REV3L: variants seen among roughly 807,000 people sequenced by gnomAD.
The protein encoded by REV3L is REV3 like, DNA directed polymerase zeta catalytic subunit.
REV3L carries 69 observed loss-of-function variants against 299.4 expected under a neutral mutation model. That is an observed-to-expected ratio of 0.23 (90% CI 0.19 to 0.28). The LOEUF (loss-of-function observed/expected upper bound fraction) is 0.28, where lower values mean the gene tolerates loss of function less well. REV3L is among the 10% of genes least tolerant of loss of function. REV3L has a pLI of 1.00. For missense variants in REV3L, 3,128 were observed against 3,693.8 expected, an observed-to-expected ratio of 0.85 and a Z score of 3.97; for synonymous variants, 1,238 against 1,271.4, an observed-to-expected ratio of 0.97 and a Z score of 0.56.
At chr6:111,333,404 C>T in intron 22 of REV3L, 37 bp from the exon 23 acceptor site, 4 of 1,606,566 alleles carry the variant, frequency 2.5e-6, no homozygotes, top group Non-Finnish European at 3.4e-6. Flanking sequence ...AGAAGAAACA[C>T]AGTTAAATAT....
At position 111,483,044 on chromosome 6, in the gene REV3L, G is replaced by A; in HGVS notation, c.-156C>T. 1.1e-6 allele frequency: 1 copy of A among 928,740 alleles called. No homozygotes were observed. The highest frequency in any genetic ancestry group is 1.5e-6 in the Non-Finnish European group (1 of 680,478). The allele number at this position is 928,740 out of a possible 1,614,324, so 57.5% of individuals were successfully genotyped here. A position where few individuals can be genotyped will look rare whatever the true frequency, so the allele number is the denominator to read the frequency against. ...GGCACCTCGAGGAGCGGCGGGCGGG[G>A]CGGTGTAGGCGCTGCTGCCGCCGCC... On this transcript the variant is annotated 5_prime_UTR_variant, in exon 1 of 32. Transcript: ENST00000368802.
In REV3L at chr6:111,388,037, C is replaced by G; in HGVS notation, c.911G>C (p.Arg304Thr). 2 of 1,612,858 alleles carry G rather than the reference C, an allele frequency of 1.2e-6. No individual in the cohort carries two copies. The highest frequency in any genetic ancestry group is 1.7e-6 in the Non-Finnish European group (2 of 1,179,536). ...ATTCTGTTTGAGAATTTCCTGAAGT[C>G]TCTTCTGAAATTTTTTTTCACTTTC... ...ATESEKKFQK[R>T]LQEILKQNDF... The change falls in exon 8 of 32, where the codon AGA (arginine) becomes ACA (threonine). Residue 304 changes from arginine (R) to threonine (T), a missense_variant. Around this residue, in one of 9 missense-constraint regions of REV3L, gnomAD observed 2,409 missense variants for 2,611.8 expected, o/e 0.92. Coordinates refer to ENST00000368802, the MANE Select transcript of REV3L (RefSeq NM_001372078.1).
rs1301970967 is a variant in REV3L at position 111,482,999 on chromosome 6, G to GC, written c.-112dup. On this transcript the variant is annotated 5_prime_UTR_variant, in exon 1 of 32. Coordinates refer to ENST00000368802, the MANE Select transcript of REV3L (RefSeq NM_001372078.1). ...GGCGCCCCCTCCCCTTCTCGGCACGGCCCCCTCCCCTCACACAGAGGCACC... is the reference window on the plus strand; with the variant it reads ...GGCGCCCCCTCCCCTTCTCGGCACGGCCCCCCTCCCCTCACACAGAGGCACC... 2 of 1,284,198 alleles carry GC rather than the reference G, an allele frequency of 1.6e-6. No individual in the cohort carries two copies. The highest frequency in any genetic ancestry group is 2.0e-6 in the Non-Finnish European group (2 of 988,260). 79.6% of individuals were successfully genotyped at this position (1,284,198 alleles called of 1,614,324 possible). A position where few individuals can be genotyped will look rare whatever the true frequency, so the allele number is the denominator to read the frequency against.
At chr6:111,313,533 C>T (rs1180958639) in intron 27 of REV3L, 44 bp from the exon 28 acceptor site, 1 of 1,542,858 alleles carries the variant, frequency 6.5e-7, no homozygotes, top group African/African-American at 1.4e-5. Context: ...CCATTTCCCC[C>T]CACCAAGAAT....
chr6:111,458,547 A>G (rs2128323278), intron 1 of REV3L, among the ~76,000 whole-genome samples: 1 of 152,258 alleles, frequency 6.6e-6, no homozygotes, highest in Non-Finnish European at 1.5e-5. Flanking sequence ...AGACTCCACC[A>G]AAAGGCTCCT....
chr6:111,367,288 C>T lies in REV3L; in HGVS notation c.6500G>A (p.Gly2167Asp). The change falls in exon 14 of 32, where the codon GGT becomes GAT. Residue 2167 changes from glycine (G) to aspartate (D), a missense_variant. Coordinates refer to ENST00000368802, the MANE Select transcript of REV3L (RefSeq NM_001372078.1). ...CTCACTGCAGGGGCTTTTTTGTATA[C>T]CATCTTTTATTGGCTTTAAGAAGTT... The part of the protein sequence containing the change: ...FENFLKPIKD[G>D]IQKSPCSEPQ... 4.3e-6 allele frequency: 7 copies of T among 1,611,724 alleles called. No homozygotes were observed. Among genetic ancestry groups the T allele is most frequent in the Non-Finnish European group, 5.9e-6 (7 of 1,179,438 alleles).
Position 111,367,794 on chromosome 6 carries a change from T to C in REV3L, c.5994A>G (p.Lys1998=). Residue 1998 remains lysine (K), a synonymous_variant, in exon 14 of 32, where the codon AAA becomes AAG. Coordinates refer to ENST00000368802, the MANE Select transcript of REV3L (RefSeq NM_001372078.1). ...EDKKIVIMPC[K]CAPSRQLVQV... is the part of the protein sequence containing the mutation. ...GAACCAGTTGTCGACTTGGGGCACA[T>C]TTGCAAGGCATAATCACAATTTTTT... is the stretch of plus-strand genomic sequence containing the variant. 6.2e-7 allele frequency: 1 copy of C among 1,614,166 alleles called. No individual in the cohort carries two copies. The highest frequency in any genetic ancestry group is 8.5e-7 in the Non-Finnish European group (1 of 1,180,014).
chr6:111,394,762 G>T (rs749461424), intron 4 of REV3L, among the ~76,000 whole-genome samples: 2 of 148,826 alleles, frequency 1.3e-5, no homozygotes, highest in South Asian at 4.2e-4. Flanking sequence ...GGAGTGCAGT[G>T]TATGATTATG....
intron 1 of REV3L, among the ~76,000 whole-genome samples, chr6:111,469,886 T>C (rs1025952061): frequency 9.9e-5 from 15 of 152,200 alleles, no homozygotes; most frequent in African/African-American, 2.9e-4. Context: ...TGGGGAGATT[T>C]ATCATACAAC....
At chr6:111,476,177 A>T (rs1303590524) in intron 1 of REV3L, among the ~76,000 whole-genome samples, 2 of 152,182 alleles carry the variant, frequency 1.3e-5, no homozygotes, top group Non-Finnish European at 2.9e-5. Context: ...TGTTTTTGAG[A>T]CAGGGACTTG....
At chr6:111,455,059 C>CT (rs1187474052) in intron 1 of REV3L, among the ~76,000 whole-genome samples, 4 of 152,172 alleles carry the variant, frequency 2.6e-5, no homozygotes, top group African/African-American at 9.7e-5. Flanking sequence ...AACGCACACT[C>CT]TAAGAGGCAA....
chr6:111,313,844 C>G (rs1773242212), intron 27 of REV3L, among the ~76,000 whole-genome samples: 1 of 152,218 alleles, frequency 6.6e-6, no homozygotes, highest in Admixed American at 6.5e-5. Flanking sequence ...CAATTCCATA[C>G]ATGCCATTTT....
At chr6:111,407,056 G>A (rs181136108) in intron 3 of REV3L, among the ~76,000 whole-genome samples, 11 of 152,114 alleles carry the variant, frequency 7.2e-5, no homozygotes, top group Admixed American at 5.9e-4. Flanking sequence ...GTTACAGTGA[G>A]GTATGATGGC....
At chr6:111,339,036 T>G (rs1365388030) in intron 21 of REV3L, among the ~76,000 whole-genome samples, 5 of 152,078 alleles carry the variant, frequency 3.3e-5, no homozygotes, top group African/African-American at 1.2e-4. Flanking sequence ...GTTTCACTGT[T>G]GTAAGGTGAA....
chr6:111,458,577 A>G (rs1030400826), intron 1 of REV3L, among the ~76,000 whole-genome samples: 4 of 152,164 alleles, frequency 2.6e-5, no homozygotes, highest in African/African-American at 9.6e-5. Context: ...AAACAACTTC[A>G]GTCAAGTTTT....
At chr6:111,470,174 T>TCACA (rs6149753) in intron 1 of REV3L, among the ~76,000 whole-genome samples, 760 of 150,340 alleles carry the variant, frequency 5.1e-3, no homozygotes, top group Middle Eastern at 0.027. Flanking sequence ...TTACTATCTC[T>TCACA]CACACACACA....
At chr6:111,469,717 T>C (rs1791953751) in intron 1 of REV3L, among the ~76,000 whole-genome samples, 2 of 152,162 alleles carry the variant, frequency 1.3e-5, no homozygotes, top group African/African-American at 4.8e-5. Flanking sequence ...GTACGGATTA[T>C]CCAGACATAG....
At chr6:111,317,253 C>A (rs1233218699) in intron 26 of REV3L, among the ~76,000 whole-genome samples, 1 of 151,938 alleles carries the variant, frequency 6.6e-6, no homozygotes, top group Non-Finnish European at 1.5e-5. Context: ...ACAGTACTTG[C>A]CTGACAGCCT....
At chr6:111,331,529 T>TTC in intron 24 of REV3L, 147 bp downstream of exon 24, 1 of 499,562 alleles carries the variant, frequency 2.0e-6, no homozygotes, top group Non-Finnish European at 3.5e-6. Context: ...TCTTAGAAGA[T>TTC]TCTCATATCT....
Sources: gnomAD v4.1 joint callset for allele counts (sites outside exome capture counted in the v4.1 genomes callset) on GRCh38, gnomAD v4.1.1 for gene constraint, gnomAD v4.1.1 regional missense constraint, MANE v1.5 for transcripts, NCBI Gene and HGNC (gene_info 2026-07-23, HGNC 2026-07-21) for gene names.